The following TEX26 variants were observed in gnomAD, a reference collection of about 807,000 sequenced individuals.
TEX26 encodes testis expressed 26.
A neutral mutation model predicts 35.3 loss-of-function variants in TEX26; 34 were observed. The ratio of observed to expected loss-of-function variants is 0.96; its 90% CI spans 0.73 to 1.28. The LOEUF (loss-of-function observed/expected upper bound fraction) is 1.28. Ranked by LOEUF, TEX26 falls within the 50% of genes most tolerant of loss-of-function variation. The pLI, the probability that TEX26 is intolerant of heterozygous loss-of-function variation, is 0.00. For missense variants in TEX26, 371 were observed against 330.1 expected (o/e 1.12, Z -0.96); for synonymous variants, 136 against 111.8 (o/e 1.22, Z -1.36).
At chr13:30,951,306 T>A (rs943018096) in intron 2 of TEX26, among the ~76,000 whole-genome samples, 1 of 149,588 alleles carries the variant, frequency 6.7e-6, no homozygotes, top group Non-Finnish European at 1.5e-5. Context: ...CAGTGAGCTA[T>A]GATGGTACCA....
In TEX26 at chr13:30,974,747, T is replaced by C. The variant is rs1954827391; in HGVS notation, c.809-99T>C. 10 of 1,213,154 alleles carry C rather than the reference T, an allele frequency of 8.2e-6. 1 individual carries two copies. The South Asian group carries it at 1.5e-4, about 18-fold the overall frequency. The allele number at this position is 1,213,154 out of a possible 1,614,324, so 75.1% of individuals were successfully genotyped here. On this transcript the variant is annotated intron_variant, in intron 6 of 6. Transcript: ENST00000380473. ...GGTCTTACCAAATTTGTGTATTTAGTAATATTATCAGATATTTTCTTCCTT... is the reference window on the plus strand; with the variant it reads ...GGTCTTACCAAATTTGTGTATTTAGCAATATTATCAGATATTTTCTTCCTT...
chr13:30,966,289 C>T lies in TEX26; in HGVS notation c.537C>T (p.Asp179=). Residue 179 remains aspartate (D), a synonymous_variant, in exon 5 of 7, where the codon GAC becomes GAT. Coordinates refer to ENST00000380473, the MANE Select transcript of TEX26 (RefSeq NM_152325.3). ...AAAAGTTACTTCCCCAACCTCCAGA[C>T]ACTGAATTCCGAAGGAATTACCAAA... ...EWKKLLPQPP[D]TEFRRNYQIP... The T allele has an allele frequency of 6.2e-7, 1 of 1,614,136 alleles. No homozygotes were observed. The highest frequency in any genetic ancestry group is 1.6e-4 in the Middle Eastern group (1 of 6,062).
intron 4 of TEX26, among the ~76,000 whole-genome samples, chr13:30,960,515 G>A (rs1954297257): frequency 6.6e-6 from 1 of 152,112 alleles, no homozygotes. Flanking sequence ...AAAGTGCTAG[G>A]ATTACAGATA....
intron 2 of TEX26, among the ~76,000 whole-genome samples, chr13:30,942,918 A>G (rs1248222682): frequency 1.3e-5 from 2 of 151,878 alleles, no homozygotes; most frequent in Non-Finnish European, 2.9e-5. Context: ...AAAGTCTAGT[A>G]ATGTGATGCC....
intron 6 of TEX26, among the ~76,000 whole-genome samples, chr13:30,971,771 T>A (rs138547357): frequency 1.3e-5 from 2 of 152,294 alleles, no homozygotes; most frequent in African/African-American, 2.4e-5. Flanking sequence ...AAAAGCTTAC[T>A]CATTGGGCAA....
At chr13:30,941,264 A>T (rs1459638142) in intron 2 of TEX26, among the ~76,000 whole-genome samples, 1 of 152,212 alleles carries the variant, frequency 6.6e-6, no homozygotes, top group Non-Finnish European at 1.5e-5. Context: ...GTACAAGGCT[A>T]CAAGATTCCA....
Position 30,970,158 on chromosome 13 carries a change from GGTGTGTGTGAGTGT to G in TEX26, c.808+1122_808+1135del, listed in dbSNP as rs1566169474. On this transcript the variant is annotated intron_variant, in intron 6 of 6. Transcript: ENST00000380473. ...ACTGTAGTCAAGGCTGACAGGGAAG[GGTGTGTGTGAGTGT>G]GTGTGTGTGTGTGTGTGTGTGTGTG... 2.5e-4 allele frequency among the ~76,000 whole-genome samples: 31 copies of G among 124,062 alleles called. No homozygotes were observed. The South Asian group carries it at 8.1e-3, about 32-fold the overall frequency. The allele number at this position is 124,062 out of a possible 152,430, so 81.4% of individuals were successfully genotyped here. A position where few individuals can be genotyped will look rare whatever the true frequency, so the allele number is the denominator to read the frequency against.
At position 30,966,268 on chromosome 13, in the gene TEX26, G is replaced by T. The variant is rs755730945; in HGVS notation, c.516G>T (p.Lys172Asn). Residue 172 changes from lysine to asparagine, a missense_variant, in exon 5 of 7, where the codon AAG (lysine) becomes AAT (asparagine). Transcript: ENST00000380473. ...KSSHLSLEWK[K>N]LLPQPPDTEF... ...CTCACTTGTCTCTGGAATGGAAAAAGTTACTTCCCCAACCTCCAGACACTG... is the reference window on the plus strand; with the variant it reads ...CTCACTTGTCTCTGGAATGGAAAAATTTACTTCCCCAACCTCCAGACACTG... The T allele has an allele frequency of 6.2e-6, 10 of 1,613,888 alleles. No individual in the cohort carries two copies. Among genetic ancestry groups the T allele is most frequent in the Non-Finnish European group, 8.5e-6 (10 of 1,180,008 alleles).
intron 6 of TEX26, among the ~76,000 whole-genome samples, chr13:30,974,502 C>T (rs1213406777): frequency 6.6e-6 from 1 of 152,140 alleles, no homozygotes; most frequent in Non-Finnish European, 1.5e-5. Flanking sequence ...GCAAGTCCTG[C>T]TGCCTGTATT....
chr13:30,941,949 G>A (rs995898199), intron 2 of TEX26, among the ~76,000 whole-genome samples: 1 of 152,018 alleles, frequency 6.6e-6, no homozygotes, highest in African/African-American at 2.4e-5. Flanking sequence ...CTTTAAAATT[G>A]TGAATTGTGC....
At chr13:30,958,777 G>A (rs1253787667) in intron 4 of TEX26, among the ~76,000 whole-genome samples, 1 of 152,110 alleles carries the variant, frequency 6.6e-6, no homozygotes, top group Non-Finnish European at 1.5e-5. Context: ...CATGCACATT[G>A]ACTGTAGTAT....
intron 2 of TEX26, among the ~76,000 whole-genome samples, chr13:30,943,479 G>A (rs1080531): frequency 0.22 from 32,817 of 151,954 alleles, 3,701 homozygotes; most frequent in East Asian, 0.44. Context: ...TGATTGGTCT[G>A]GCTAGGACTT....
intron 1 of TEX26, among the ~76,000 whole-genome samples, chr13:30,936,085 A>G (rs1953263326): frequency 6.6e-6 from 1 of 152,236 alleles, no homozygotes; most frequent in Non-Finnish European, 1.5e-5. Context: ...GGGGATTAGG[A>G]CATGGAAATA....
intron 2 of TEX26, among the ~76,000 whole-genome samples, chr13:30,946,335 T>A (rs76835951): frequency 6.6e-6 from 1 of 151,862 alleles, no homozygotes; most frequent in Non-Finnish European, 1.5e-5. Context: ...GAAAACTTTT[T>A]ATTCATATCC....
rs372111602 is a variant in TEX26, at chr13:30,956,910, C to T, written c.350C>T (p.Thr117Met). 1.4e-4 allele frequency: 218 copies of T among 1,613,980 alleles called. No individual in the cohort carries two copies. Among genetic ancestry groups the T allele is most frequent in the Middle Eastern group, 4.9e-4 (3 of 6,084 alleles). ...FLWTLPHCQQ[T>M]GTLKNCLPWK... ...TGGACACTACCTCACTGTCAACAAACGGGGACACTAAAGAACTGCCTCCCT... is the reference window on the plus strand; with the variant it reads ...TGGACACTACCTCACTGTCAACAAATGGGGACACTAAAGAACTGCCTCCCT... Residue 117 changes from threonine to methionine, a missense_variant, in exon 4 of 7, where the codon ACG becomes ATG. By Grantham distance (81) the Thr-to-Met change is moderately conservative. Transcript: ENST00000380473.
intron 4 of TEX26, among the ~76,000 whole-genome samples, chr13:30,958,962 C>T (rs979391994): frequency 7.9e-5 from 12 of 152,088 alleles, no homozygotes; most frequent in African/African-American, 2.7e-4. Flanking sequence ...AAGTTATTAC[C>T]GCCAATCAAA....
intron 2 of TEX26, among the ~76,000 whole-genome samples, chr13:30,948,768 G>A (rs909672276): frequency 2.0e-5 from 3 of 152,030 alleles, no homozygotes; most frequent in Admixed American, 2.0e-4. Context: ...GTCAATTTTG[G>A]CTTTTGTTGC....
chr13:30,963,196 T>C (rs1566162829), intron 4 of TEX26, among the ~76,000 whole-genome samples: 1 of 152,112 alleles, frequency 6.6e-6, no homozygotes, highest in Non-Finnish European at 1.5e-5. Context: ...GCAGATGCCA[T>C]ACCTAATCTT....
chr13:30,968,258 G>A (rs1954605069), intron 5 of TEX26, among the ~76,000 whole-genome samples: 1 of 152,154 alleles, frequency 6.6e-6, no homozygotes, highest in African/African-American at 2.4e-5. Context: ...TATGGGAGGG[G>A]GAGAAGAGGA....
Sources: allele counts gnomAD v4.1 joint callset (sites outside exome capture counted in the v4.1 genomes callset), GRCh38; gene constraint gnomAD v4.1.1; transcripts MANE v1.5; gene names NCBI Gene and HGNC (gene_info 2026-07-23, HGNC 2026-07-21).